RHBDD2: variants seen among roughly 807,000 people sequenced by gnomAD.
RHBDD2 encodes rhomboid domain containing 2.
Under a neutral mutation model 21.7 loss-of-function variants are expected in RHBDD2, and 13 were observed. The observed-to-expected ratio is 0.60, with a 90% CI of 0.39 to 0.95. RHBDD2 has a LOEUF of 0.95. Among genes scored for constraint, RHBDD2 ranks in the 40% least tolerant of loss-of-function variants. The probability of loss-of-function intolerance (pLI) is 0.00; values close to 1 mark genes in which losing one functional copy is unlikely to be tolerated. For synonymous variants in RHBDD2, 225 were observed against 220.0 expected (o/e 1.02, Z -0.20); for missense variants, 473 against 478.9 (o/e 0.99, Z 0.11).
Position 75,879,265 on chromosome 7 carries a change from G to A in RHBDD2, c.178+5G>A. 6.7e-7 allele frequency: 1 copy of A among 1,483,940 alleles called. No homozygotes were observed. Among genetic ancestry groups the A allele is most frequent in the Non-Finnish European group, 9.0e-7 (1 of 1,116,338 alleles). The allele number at this position is 1,483,940 out of a possible 1,614,324, so 91.9% of individuals were successfully genotyped here. ...AGGCCCTTCGCAACTGGCAAGGTGA[G>A]CAGGGGCGGGCCGGGATCGCGGGGC... On this transcript the variant is annotated splice_donor_5th_base_variant and intron_variant, in intron 1 of 3. Coordinates refer to ENST00000006777, the MANE Select transcript of RHBDD2 (RefSeq NM_001040456.3).
At chr7:75,883,534 C>G in intron 2 of RHBDD2, 164 bp from the exon 3 acceptor site, 1 of 564,400 alleles carries the variant, frequency 1.8e-6, no homozygotes, top group Non-Finnish European at 3.1e-6. Flanking sequence ...AAAAAACAAA[C>G]CTTTGGCTCT....
chr7:75,879,522 C>G (rs1805193540), intron 1 of RHBDD2, among the ~76,000 whole-genome samples: 2 of 152,204 alleles, frequency 1.3e-5, no homozygotes, highest in Admixed American at 1.3e-4. Flanking sequence ...CCTTCCCTGT[C>G]GCCACCAGAC....
Position 75,879,264 on chromosome 7 carries a change from A to G in RHBDD2, c.178+4A>G. On this transcript the variant is annotated splice_donor_region_variant and intron_variant, in intron 1 of 3. Coordinates refer to ENST00000006777, the MANE Select transcript of RHBDD2 (RefSeq NM_001040456.3). Reference sequence around the variant, plus strand: ...GAGGCCCTTCGCAACTGGCAAGGTGAGCAGGGGCGGGCCGGGATCGCGGGG... The same window carrying G: ...GAGGCCCTTCGCAACTGGCAAGGTGGGCAGGGGCGGGCCGGGATCGCGGGG... 1.3e-6 allele frequency: 2 copies of G among 1,487,884 alleles called. No individual in the cohort carries two copies. The highest frequency in any genetic ancestry group is 1.8e-6 in the Non-Finnish European group (2 of 1,118,012). 92.2% of individuals were successfully genotyped at this position (1,487,884 alleles called of 1,614,324 possible).
At chr7:75,887,078 T>C (rs188523839) in intron 3 of RHBDD2, among the ~76,000 whole-genome samples, 4 of 151,844 alleles carry the variant, frequency 2.6e-5, no homozygotes, top group Non-Finnish European at 5.9e-5. Flanking sequence ...GTTTATTTTG[T>C]CAGCAAGATG....
intron 3 of RHBDD2, among the ~76,000 whole-genome samples, chr7:75,886,138 G>A (rs1041480177): frequency 2.0e-5 from 3 of 152,240 alleles, no homozygotes; most frequent in Non-Finnish European, 4.4e-5. Flanking sequence ...CAGCTGTGGA[G>A]TAAATTTTCC....
In RHBDD2 at chr7:75,888,169, T is replaced by C. The variant is rs1805802853; in HGVS notation, c.915T>C (p.Tyr305=). The change falls in exon 4 of 4, where the codon TAT becomes TAC. Residue 305 remains tyrosine (Y), a synonymous_variant. Transcript: ENST00000006777. ...ACCAGCCTGCCTCCGGCCTGTGCTA[T>C]GTGCAGAACCACTTTGGTCCAAACC... ...PPYQPASGLC[Y]VQNHFGPNPT... The C allele has an allele frequency of 1.2e-6, 2 of 1,613,876 alleles. No individual in the cohort carries two copies. The highest frequency in any genetic ancestry group is 1.7e-6 in the Non-Finnish European group (2 of 1,180,026).
chr7:75,881,695 C>T, intron 1 of RHBDD2, 134 bp from the exon 2 acceptor site: 1 of 998,686 alleles, frequency 1.0e-6, no homozygotes, highest in South Asian at 1.6e-5. Flanking sequence ...CTTGTATTGC[C>T]TCCTGCTGCG....
At chr7:75,884,601 C>T (rs1805543340) in intron 3 of RHBDD2, among the ~76,000 whole-genome samples, 1 of 152,182 alleles carries the variant, frequency 6.6e-6, no homozygotes, top group Non-Finnish European at 1.5e-5. Context: ...TGAGGTGCGG[C>T]AGATTGGAAA....
intron 3 of RHBDD2, among the ~76,000 whole-genome samples, chr7:75,884,839 T>C (rs1206260894): frequency 3.3e-5 from 5 of 151,854 alleles, no homozygotes; most frequent in African/African-American, 7.3e-5. Flanking sequence ...TAGGGCTGGG[T>C]GCGATGGCTC....
intron 3 of RHBDD2, 34 bp from the exon 4 acceptor site, chr7:75,887,958 C>T (rs369740633): frequency 6.3e-7 from 1 of 1,575,538 alleles, no homozygotes; most frequent in Non-Finnish European, 8.7e-7. Flanking sequence ...CCAAGACTCG[C>T]TGAAGGACCA....
Position 75,881,992 on chromosome 7 carries a change from C to T in RHBDD2, c.342C>T (p.Phe114=). 6.2e-7 allele frequency: 1 copy of T among 1,614,238 alleles called. No individual in the cohort carries two copies. ...TCGCCATCTTCTCCGCTATCATCTT[C>T]CTGTCATTCGAGGCTGTGTCATCAC... ...VIFAIFSAII[F]LSFEAVSSLS... is the part of the protein sequence containing the mutation. Residue 114 remains phenylalanine (F), a synonymous_variant, in exon 2 of 4, where the codon TTC becomes TTT. Transcript: ENST00000006777.
chr7:75,881,292 A>G (rs1805308929), intron 1 of RHBDD2: 1 of 1,201,720 alleles, frequency 8.3e-7, no homozygotes, highest in African/African-American at 1.6e-5. Context: ...TATAATCTTT[A>G]TTGTTAATGA....
chr7:75,884,622 G>A (rs535489399), intron 3 of RHBDD2, among the ~76,000 whole-genome samples: 1 of 152,352 alleles, frequency 6.6e-6, no homozygotes, highest in East Asian at 1.9e-4. Context: ...ATAATGCACA[G>A]ATGTCTTCTG....
In RHBDD2 at chr7:75,883,785, G is replaced by A. The variant is rs1463557579; in HGVS notation, c.674G>A (p.Arg225Lys). The A allele has an allele frequency of 6.2e-7, 1 of 1,614,042 alleles. No homozygotes were observed. The highest frequency in any genetic ancestry group is 1.1e-5 in the South Asian group (1 of 91,084). ...ACCTTCCCCTTCAGCCTGATGAGGA[G>A]GATATCCGTGTTCAAGTACGTCTCA... ...DQTFPFSLMRRISVFKYVSGS... is the reference protein window; with the variant it reads ...DQTFPFSLMRKISVFKYVSGS... The change falls in exon 3 of 4, where the codon AGG becomes AAG. Residue 225 changes from arginine to lysine, a missense_variant. Arg to Lys is a conservative substitution (Grantham distance 26). Transcript: ENST00000006777.
Position 75,881,927 on chromosome 7 carries a change from A to T in RHBDD2, c.277A>T (p.Thr93Ser). The T allele has an allele frequency of 6.2e-7, 1 of 1,614,192 alleles. No individual in the cohort carries two copies. Among genetic ancestry groups the T allele is most frequent in the South Asian group, 1.1e-5 (1 of 91,086 alleles). ...IWRFAGNFERTVGTVRHCFFT... is the reference protein window; with the variant it reads ...IWRFAGNFERSVGTVRHCFFT... ...GCGCTTTGCTGGCAATTTCGAGAGA[A>T]CCGTGGGCACCGTCCGCCACTGCTT... The change falls in exon 2 of 4, where the codon ACC becomes TCC. Residue 93 changes from threonine to serine, a missense_variant. Transcript: ENST00000006777.
intron 1 of RHBDD2, chr7:75,880,371 C>G (rs1805250619): frequency 6.6e-6 from 1 of 152,144 alleles, no homozygotes; most frequent in African/African-American, 2.4e-5. Context: ...TCCCCCCACC[C>G]TAGGTATACA....
chr7:75,888,038 C>A lies in RHBDD2; in HGVS notation c.784C>A (p.His262Asn). ...CTACCCCACACAGAGCTGCCACCCT[C>A]ACCTGTCCCCAAGCCACCCTGTGTC... The part of the protein sequence containing the change: ...GSYPTQSCHP[H>N]LSPSHPVSQT... Residue 262 changes from histidine (H) to asparagine (N), a missense_variant, in exon 4 of 4, where the codon CAC becomes AAC. By Grantham distance (68) the His-to-Asn change is moderately conservative. Transcript: ENST00000006777. The A allele has an allele frequency of 1.2e-6, 2 of 1,613,664 alleles. No homozygotes were observed. The highest frequency in any genetic ancestry group is 1.7e-6 in the Non-Finnish European group (2 of 1,180,026).
chr7:75,885,118 GAAAA>G (rs113612856), intron 3 of RHBDD2, among the ~76,000 whole-genome samples: 1 of 99,636 alleles, frequency 1.0e-5, no homozygotes, highest in Non-Finnish European at 2.3e-5. Context: ...TGTCTCCCAA[GAAAA>G]AAAAAAAAAA....
At position 75,881,873 on chromosome 7, in the gene RHBDD2, T is replaced by A; in HGVS notation, c.223T>A (p.Ser75Thr). The A allele has an allele frequency of 6.2e-7, 1 of 1,613,546 alleles. No individual in the cohort carries two copies. Among genetic ancestry groups the A allele is most frequent in the Non-Finnish European group, 8.5e-7 (1 of 1,179,596 alleles). ...TYIFVYENPI[S>T]LLCGAIIIWR... ...CATCTTTGTCTACGAGAATCCCATC[T>A]CCCTGCTCTGCGGCGCTATCATCAT... The change falls in exon 2 of 4, where the codon TCC becomes ACC. Residue 75 changes from serine to threonine, a missense_variant. Physicochemically the swap from Ser to Thr is moderately conservative, Grantham distance 58. Coordinates refer to ENST00000006777, the MANE Select transcript of RHBDD2 (RefSeq NM_001040456.3).
Sources: allele counts gnomAD v4.1 joint callset (sites outside exome capture counted in the v4.1 genomes callset), GRCh38; gene constraint gnomAD v4.1.1; transcripts MANE v1.5; gene names NCBI Gene and HGNC (gene_info 2026-07-23, HGNC 2026-07-21).